The following FEZ2 variants were observed in gnomAD, a reference collection of about 807,000 sequenced individuals.
The protein encoded by FEZ2 is fasciculation and elongation protein zeta 2.
FEZ2 carries 51 observed loss-of-function variants against 40.4 expected under a neutral mutation model. The ratio of observed to expected loss-of-function variants is 1.26; its 90% confidence interval spans 1.01 to 1.59. The LOEUF is 1.59. FEZ2 is among the 40% of genes most tolerant of loss of function. The pLI is 0.00. For synonymous variants in FEZ2, 242 were observed against 172.0 expected, an observed-to-expected ratio of 1.41 and a Z score of -3.18; for missense variants, 640 against 438.3, an observed-to-expected ratio of 1.46 and a Z score of -4.11.
intron 7 of FEZ2, chr2:36,554,276 G>C: frequency 2.1e-6 from 1 of 471,124 alleles, no homozygotes; most frequent in Non-Finnish European, 4.4e-6. Flanking sequence ...GGTTTTCAGA[G>C]TAAAGAATTA....
chr2:36,558,641 G>A (rs1668015612), intron 5 of FEZ2, 128 bp from the exon 6 acceptor site: 1 of 488,292 alleles, frequency 2.0e-6, no homozygotes, highest in East Asian at 3.2e-5. Flanking sequence ...TGAAAACACA[G>A]GTATTGTATG....
chr2:36,595,052 T>C (rs546069444), intron 1 of FEZ2, among the ~76,000 whole-genome samples: 1 of 152,190 alleles, frequency 6.6e-6, no homozygotes, highest in South Asian at 2.1e-4. Context: ...ACAGCTCTTT[T>C]GCAAGGAGGT....
At chr2:36,585,171 G>C (rs964459526) in intron 2 of FEZ2, among the ~76,000 whole-genome samples, 2 of 152,140 alleles carry the variant, frequency 1.3e-5, no homozygotes, top group African/African-American at 2.4e-5. Context: ...AGCAACAATA[G>C]ATGCTAGAAA....
At chr2:36,578,483 G>C (rs1004484207) in intron 5 of FEZ2, 114 bp downstream of exon 5, 1 of 1,070,378 alleles carries the variant, frequency 9.3e-7, no homozygotes, top group African/African-American at 1.6e-5. Flanking sequence ...CTGATTAGAA[G>C]TGTTAACACT....
chr2:36,595,230 G>A (rs1669182177), intron 1 of FEZ2, among the ~76,000 whole-genome samples: 1 of 152,010 alleles, frequency 6.6e-6, no homozygotes. Context: ...TACATTTACG[G>A]TGTACTTTAT....
intron 5 of FEZ2, among the ~76,000 whole-genome samples, chr2:36,572,627 G>C (rs1207769249): frequency 1.3e-5 from 2 of 152,158 alleles, no homozygotes; most frequent in African/African-American, 4.8e-5. Context: ...ACATAGCTGT[G>C]TTCCAGTAAA....
chr2:36,597,650 C>G (rs997529429), intron 1 of FEZ2, among the ~76,000 whole-genome samples: 1 of 152,126 alleles, frequency 6.6e-6, no homozygotes, highest in African/African-American at 2.4e-5. Flanking sequence ...GGAAGGAGGG[C>G]GGGAGGTACC....
chr2:36,592,638 T>A (rs1310957784), intron 1 of FEZ2, among the ~76,000 whole-genome samples: 66 of 105,164 alleles, frequency 6.3e-4, no homozygotes, highest in Non-Finnish European at 8.6e-4. Flanking sequence ...GAGCCCCACA[T>A]CTCTACAAAA....
chr2:36,576,934 T>C (rs1325733035), intron 5 of FEZ2, among the ~76,000 whole-genome samples: 1 of 152,188 alleles, frequency 6.6e-6, no homozygotes, highest in African/African-American at 2.4e-5. Flanking sequence ...AGGATTTACA[T>C]GTAATCCCTA....
chr2:36,581,021 G>C (rs567587820), intron 4 of FEZ2, among the ~76,000 whole-genome samples: 1 of 152,032 alleles, frequency 6.6e-6, no homozygotes, highest in Non-Finnish European at 1.5e-5. Context: ...GCGTGGTGGC[G>C]GGCACCTGTA....
intron 6 of FEZ2, chr2:36,556,421 A>T (rs1265562910): frequency 6.5e-6 from 1 of 153,284 alleles, no homozygotes; most frequent in African/African-American, 2.4e-5. Flanking sequence ...AAGCTAGACC[A>T]TTCAGGTTGA....
rs951646014 is a variant in FEZ2, at chr2:36,598,130, C to T, written c.13G>A (p.Gly5Arg). 5.4e-6 allele frequency: 8 copies of T among 1,479,118 alleles called. No individual in the cohort carries two copies. The South Asian group carries it at 8.9e-5, about 16-fold the overall frequency. 91.6% of individuals were successfully genotyped at this position (1,479,118 alleles called of 1,614,324 possible). MAAD[G>R]DWQDFYEFQE... ...AACTCATAGAAATCCTGCCAGTCCC[C>T]GTCCGCCGCCATCGCCGCCCGGAGC... is the stretch of plus-strand genomic sequence containing the variant. The change falls in exon 1 of 8, where the codon GGG (glycine) becomes AGG (arginine). Residue 5 changes from glycine (G) to arginine (R), a missense_variant. Coordinates refer to ENST00000405912, the MANE Select transcript of FEZ2 (RefSeq NM_005102.3).
intron 7 of FEZ2, 90 bp from the exon 8 acceptor site, chr2:36,553,269 TTAAG>T (rs1167341481): frequency 5.0e-6 from 5 of 995,244 alleles, no homozygotes; most frequent in South Asian, 2.9e-5. Flanking sequence ...TTAAAAACCA[TTAAG>T]TAATGAGAAC....
At chr2:36,567,898 G>A (rs1052272641) in intron 5 of FEZ2, among the ~76,000 whole-genome samples, 2 of 152,186 alleles carry the variant, frequency 1.3e-5, no homozygotes, top group African/African-American at 2.4e-5. Flanking sequence ...AACGAGCTGT[G>A]TAGAGCATAC....
At chr2:36,588,689 C>T (rs1280793878) in intron 2 of FEZ2, among the ~76,000 whole-genome samples, 2 of 151,776 alleles carry the variant, frequency 1.3e-5, no homozygotes, top group Admixed American at 6.6e-5. Flanking sequence ...TATAACTATA[C>T]AATATTTATA....
At chr2:36,554,277 T>C (rs1425871451) in intron 7 of FEZ2, 2 of 470,952 alleles carry the variant, frequency 4.2e-6, no homozygotes, top group African/African-American at 4.0e-5. Context: ...GTTTTCAGAG[T>C]AAAGAATTAA....
At chr2:36,580,993 A>T (rs1333646363) in intron 4 of FEZ2, among the ~76,000 whole-genome samples, 2 of 152,084 alleles carry the variant, frequency 1.3e-5, no homozygotes, top group Non-Finnish European at 1.5e-5. Flanking sequence ...CTCTACTAAA[A>T]ATGTAAAAAT....
At chr2:36,575,620 C>T (rs910197186) in intron 5 of FEZ2, among the ~76,000 whole-genome samples, 1 of 152,210 alleles carries the variant, frequency 6.6e-6, no homozygotes. Context: ...AATCATATTT[C>T]ACTTTTATAA....
Position 36,567,430 on chromosome 2 carries a change from G to A in FEZ2, c.904-8917C>T, listed in dbSNP as rs192367932. ...AGATTAATGAAATAATCTTGTTGGC[G>A]TGGTTTATAAAACATAAAACAATGG... On this transcript the variant is annotated intron_variant, in intron 5 of 7. Transcript: ENST00000405912. 1.8e-3 allele frequency among the ~76,000 whole-genome samples: 271 copies of A among 152,254 alleles called. 1 individual carries two copies. Among genetic ancestry groups the A allele is most frequent in the African/African-American group, 5.9e-3 (247 of 41,544 alleles).
Sources: allele counts gnomAD v4.1 joint callset (sites outside exome capture counted in the v4.1 genomes callset), GRCh38; gene constraint gnomAD v4.1.1; transcripts MANE v1.5; gene names NCBI Gene and HGNC (gene_info 2026-07-23, HGNC 2026-07-21).